Variants in MIB2 observed in about 807,000 individuals in gnomAD.
MIB2 encodes the protein MIB E3 ubiquitin protein ligase 2, also known as E3 ubiquitin-protein ligase MIB2.
Under a neutral mutation model 96.6 loss-of-function variants are expected in MIB2, and 78 were observed. That is an observed-to-expected ratio of 0.81 (90% CI 0.67 to 0.97). The LOEUF is 0.97. Ranked by LOEUF, MIB2 falls within the 50% of genes least tolerant of loss-of-function variation. The pLI, the probability that MIB2 is intolerant of heterozygous loss-of-function variation, is 0.00. For missense variants in MIB2, 1,543 were observed against 1,424.0 expected (o/e 1.08, Z -1.35); for synonymous variants, 820 against 629.5 (o/e 1.30, Z -4.53).
At chr1:1,630,145 T>G in intron 19 of MIB2, 147 bp from the exon 20 acceptor site, 1 of 520,488 alleles carries the variant, frequency 1.9e-6, no homozygotes, top group Non-Finnish European at 3.3e-6. Context: ...CACCTCTGCC[T>G]CCAAATCACC....
At chr1:1,619,804 G>A (rs1036492688) in intron 2 of MIB2, among the ~76,000 whole-genome samples, 1 of 152,210 alleles carries the variant, frequency 6.6e-6, no homozygotes, top group African/African-American at 2.4e-5. Context: ...AGCCCTGCCT[G>A]TGTTCAGCCC....
intron 2 of MIB2, among the ~76,000 whole-genome samples, chr1:1,619,432 T>C (rs1432577654): frequency 6.6e-6 from 1 of 152,210 alleles, no homozygotes; most frequent in Admixed American, 6.5e-5. Context: ...CTCCTGAGCC[T>C]GGGATCCACG....
chr1:1,629,258 G>A lies in MIB2; in HGVS notation c.2328G>A (p.Leu776=). 6.5e-7 allele frequency: 1 copy of A among 1,544,208 alleles called. No homozygotes were observed. The highest frequency in any genetic ancestry group is 8.6e-7 in the Non-Finnish European group (1 of 1,156,726). Residue 776 remains leucine (L), a synonymous_variant, in exon 17 of 20, where the codon CTG becomes CTA. Coordinates refer to ENST00000355826, the MANE Select transcript of MIB2 (RefSeq NM_001170687.4). ...ACCGCGGTCGGAGCCCGCTGGACCT[G>A]GCCGCCGAGGGTCGCGTGCTCAAGG... ...TNHRGRSPLD[L]AAEGRVLKAL... is the part of the protein sequence containing the mutation.
rs1644787150 is a variant in MIB2, at chr1:1,626,580, C to T, written c.973-70C>T. 1.5e-6 allele frequency: 2 copies of T among 1,333,556 alleles called. No individual in the cohort carries two copies. The highest frequency in any genetic ancestry group is 2.8e-5 in the Admixed American group (1 of 35,968). The allele number at this position is 1,333,556 out of a possible 1,614,324, so 82.6% of individuals were successfully genotyped here. On this transcript the variant is annotated intron_variant, in intron 8 of 19. Transcript: ENST00000355826. This position sits in a 1 kb window ranked among gnomAD's most constrained non-coding sequence, Gnocchi z 5.3. ...TGTCTCGTGGAGCTCAGCAGGTTGC[C>T]CTCCTGTTGCATGAGCCTGGGCAGC... is the stretch of plus-strand genomic sequence containing the variant.
In MIB2 at chr1:1,623,796, C is replaced by T. The variant is rs1462170641; in HGVS notation, c.270C>T (p.Ile90=). The T allele has an allele frequency of 3.7e-6, 6 of 1,607,270 alleles. No homozygotes were observed. Among genetic ancestry groups the T allele is most frequent in the South Asian group, 1.1e-5 (1 of 90,034 alleles). Residue 90 remains isoleucine, a synonymous_variant, in exon 4 of 20, where the codon ATC becomes ATT. Transcript: ENST00000355826. ...CAGGCGTCCGGCACCCCAACATCAT[C>T]TGTGACTGCTGCAAGAAGCACGGGC... is the stretch of plus-strand genomic sequence containing the variant. The part of the protein sequence containing the change: ...AQIGVRHPNI[I]CDCCKKHGLR...
In MIB2 at chr1:1,616,078, T is replaced by G. The variant is rs909660208; in HGVS notation, c.-129-430T>G. On this transcript the variant is annotated intron_variant, in intron 1 of 19. Coordinates refer to ENST00000355826, the MANE Select transcript of MIB2 (RefSeq NM_001170687.4). Reference sequence around the variant, plus strand: ...GAGCGGAGCGGGCGGGACGGAAACGTCCGGGCAAGTTGGGGTCGGCAGGTA... The same window carrying G: ...GAGCGGAGCGGGCGGGACGGAAACGGCCGGGCAAGTTGGGGTCGGCAGGTA... 11 of 983,918 alleles carry G rather than the reference T, an allele frequency of 1.1e-5. No individual in the cohort carries two copies. The African/African-American group carries it at 1.9e-4, about 17-fold the overall frequency. 60.9% of individuals were successfully genotyped at this position (983,918 alleles called of 1,614,324 possible). A position where few individuals can be genotyped will look rare whatever the true frequency, so the allele number is the denominator to read the frequency against.
At chr1:1,620,246 G>A (rs1013426023) in intron 2 of MIB2, among the ~76,000 whole-genome samples, 6 of 152,352 alleles carry the variant, frequency 3.9e-5, no homozygotes, top group Middle Eastern at 3.4e-3. Context: ...GAGTCTGGGC[G>A]CAGAGACAGA....
At chr1:1,616,347 T>G (rs1643673905) in intron 1 of MIB2, 161 bp from the exon 2 acceptor site, 2 of 545,076 alleles carry the variant, frequency 3.7e-6, no homozygotes, top group Non-Finnish European at 6.1e-6. Flanking sequence ...TCCTGCGCGC[T>G]CAGACCCCAG....
At chr1:1,629,610 C>T (rs541409807) in intron 18 of MIB2, 29 bp from the exon 19 acceptor site, 5 of 1,569,290 alleles carry the variant, frequency 3.2e-6, no homozygotes, top group African/African-American at 1.4e-5. Flanking sequence ...CTAGTAGGGC[C>T]GCAGCCAACC....
intron 12 of MIB2, 28 bp downstream of exon 12, chr1:1,627,472 G>T (rs376391448): frequency 6.3e-7 from 1 of 1,579,582 alleles, no homozygotes; most frequent in Non-Finnish European, 8.6e-7. Flanking sequence ...CCCGGCCGGC[G>T]GGGCTGAGCC....
chr1:1,616,527 C>A lies in MIB2; in HGVS notation c.-110C>A. 1.3e-6 allele frequency: 2 copies of A among 1,599,212 alleles called. No individual in the cohort carries two copies. Among genetic ancestry groups the A allele is most frequent in the East Asian group, 2.3e-5 (1 of 44,108 alleles). Reference sequence around the variant, plus strand: ...CCACAGGGTTGGAAGCCCAGCGAGGCTAGAGGCCAGTCCCAAAGTTTCCAG... The same window carrying A: ...CCACAGGGTTGGAAGCCCAGCGAGGATAGAGGCCAGTCCCAAAGTTTCCAG... On this transcript the variant is annotated 5_prime_UTR_variant, in exon 2 of 20. Coordinates refer to ENST00000355826, the MANE Select transcript of MIB2 (RefSeq NM_001170687.4).
chr1:1,629,646 G>C lies in MIB2; in HGVS notation c.2571G>C (p.Ala857=). Residue 857 remains alanine (A), a synonymous_variant, in exon 19 of 20, where the codon GCG becomes GCC. Coordinates refer to ENST00000355826, the MANE Select transcript of MIB2 (RefSeq NM_001170687.4). ...GCGCTCTCCTCTTCGCAGAGTGCGC[G>C]CGCAGGATGAAGAAGTGCATCAGGT... ...CQHRTVCEEC[A]RRMKKCIRCQ... The C allele has an allele frequency of 2.5e-6, 4 of 1,595,722 alleles. No homozygotes were observed. Among genetic ancestry groups the C allele is most frequent in the Non-Finnish European group, 3.4e-6 (4 of 1,171,322 alleles).
upstream of MIB2, chr1:1,615,445 G>C (rs1643498608): frequency 6.6e-7 from 1 of 1,505,364 alleles, no homozygotes; most frequent in Non-Finnish European, 8.8e-7. Flanking sequence ...CCATCCCCGT[G>C]GCGGGGGCGT....
rs753052491 is a variant in MIB2 at position 1,629,620 on chromosome 1, C to G, written c.2564-19C>G. The G allele has an allele frequency of 6.4e-7, 1 of 1,574,488 alleles. No individual in the cohort carries two copies. Among genetic ancestry groups the G allele is most frequent in the South Asian group, 1.2e-5 (1 of 86,208 alleles). Reference sequence around the variant, plus strand: ...CCCGGCTAGTAGGGCCGCAGCCAACCGCGCTCTCCTCTTCGCAGAGTGCGC... The same window carrying G: ...CCCGGCTAGTAGGGCCGCAGCCAACGGCGCTCTCCTCTTCGCAGAGTGCGC... On this transcript the variant is annotated intron_variant, in intron 18 of 19. Coordinates refer to ENST00000355826, the MANE Select transcript of MIB2 (RefSeq NM_001170687.4).
rs548904683 is a variant in MIB2, at chr1:1,624,885, G to A, written c.510G>A (p.Glu170=). ...GAKVVRGPDW[E]WGSQDGGEGK... ...AGGTGGTGCGAGGCCCCGACTGGGA[G>A]TGGGGCTCACAGGATGGTGAGTGGA... Residue 170 remains glutamate, a synonymous_variant, in exon 5 of 20, where the codon GAG becomes GAA. Coordinates refer to ENST00000355826, the MANE Select transcript of MIB2 (RefSeq NM_001170687.4). 1.1e-5 allele frequency: 17 copies of A among 1,612,998 alleles called. 1 individual carries two copies. The South Asian group carries it at 1.6e-4, about 16-fold the overall frequency.
Position 1,628,414 on chromosome 1 carries a change from C to G in MIB2, c.1968+15C>G. On this transcript the variant is annotated intron_variant, in intron 15 of 19. Coordinates refer to ENST00000355826, the MANE Select transcript of MIB2 (RefSeq NM_001170687.4). ...TCATCCGGGAGGTGCGGACGCGGCCCAGTCCTGCCCAAGGACCGGGGAGCG... is the reference window on the plus strand; with the variant it reads ...TCATCCGGGAGGTGCGGACGCGGCCGAGTCCTGCCCAAGGACCGGGGAGCG... The G allele has an allele frequency of 6.2e-7, 1 of 1,608,160 alleles. No individual in the cohort carries two copies. Among genetic ancestry groups the G allele is most frequent in the Non-Finnish European group, 8.5e-7 (1 of 1,178,354 alleles).
intron 10 of MIB2, 24 bp downstream of exon 10, chr1:1,627,023 G>A (rs1295100878): frequency 6.2e-7 from 1 of 1,607,102 alleles, no homozygotes; most frequent in Non-Finnish European, 8.5e-7. Flanking sequence ...CAGGCGGCCA[G>A]TGGGAGGTGG....
At position 1,630,531 on chromosome 1, in the gene MIB2, G is replaced by A. The variant is rs1638721693; in HGVS notation, c.*1G>A. ...CGACCGCATCCAGATCTTCGTGTGA[G>A]CCGCGCCGTCCGCCGCGCCCGAGCT... On this transcript the variant is annotated 3_prime_UTR_variant, in exon 20 of 20. Coordinates refer to ENST00000355826, the MANE Select transcript of MIB2 (RefSeq NM_001170687.4). 2 of 1,565,130 alleles carry A rather than the reference G, an allele frequency of 1.3e-6. No homozygotes were observed. The highest frequency in any genetic ancestry group is 2.4e-5 in the East Asian group (1 of 42,332).
rs1363839157 is a variant in MIB2, at chr1:1,627,555, TG to T, written c.1523+114del. 4 of 1,466,922 alleles carry T rather than the reference TG, an allele frequency of 2.7e-6. No homozygotes were observed. In the African/African-American group the frequency reaches 4.4e-5, roughly 16 times the overall value. 90.9% of individuals were successfully genotyped at this position (1,466,922 alleles called of 1,614,324 possible). On this transcript the variant is annotated intron_variant, in intron 12 of 19. Transcript: ENST00000355826. ...AGCCTGTGCGTCCTGGGGTGAGGCC[TG>T]GGAGGGGCCCGGCGGGGCTGAGCCT...
Sources: allele counts gnomAD v4.1 joint callset (sites outside exome capture counted in the v4.1 genomes callset), GRCh38; gene constraint gnomAD v4.1.1; non-coding constraint Gnocchi (gnomAD v3.1); transcripts MANE v1.5; gene names NCBI Gene and HGNC (gene_info 2026-07-23, HGNC 2026-07-21).